NRXN1: variants seen among roughly 807,000 people sequenced by gnomAD.
The protein encoded by NRXN1 is neurexin-1.
A neutral mutation model predicts 150.9 loss-of-function variants in NRXN1; 39 were observed. That is an observed-to-expected ratio of 0.26 (90% confidence interval 0.20 to 0.34). NRXN1 has a LOEUF of 0.34. Ranked by LOEUF, NRXN1 falls within the 10% of genes least tolerant of loss-of-function variation. The pLI, the probability that NRXN1 is intolerant of heterozygous loss-of-function variation, is 1.00. For missense variants in NRXN1, 1,815 were observed against 1,949.9 expected, an observed-to-expected ratio of 0.93 and a Z score of 1.30; for synonymous variants, 924 against 757.0, an observed-to-expected ratio of 1.22 and a Z score of -3.62.
At chr2:50,548,588 T>C (rs1428133631) in intron 9 of NRXN1, among the ~76,000 whole-genome samples, 2 of 152,164 alleles carry the variant, frequency 1.3e-5, no homozygotes, top group Admixed American at 6.5e-5. Flanking sequence ...ACTACTTACA[T>C]GTTTTTAATC....
At chr2:50,199,056 C>T (rs977159263) in intron 18 of NRXN1, 1 of 152,110 alleles carries the variant, frequency 6.6e-6, no homozygotes, top group African/African-American at 2.4e-5. Flanking sequence ...AACAATCAGT[C>T]CTCTCTGTGC....
intron 17 of NRXN1, among the ~76,000 whole-genome samples, chr2:50,408,247 T>A (rs899712030): frequency 1.3e-5 from 2 of 152,156 alleles, no homozygotes; most frequent in Non-Finnish European, 2.9e-5. Flanking sequence ...TAGATTAACA[T>A]GAGAATTTCC....
chr2:50,467,113 G>A (rs1056770522), intron 16 of NRXN1, among the ~76,000 whole-genome samples: 1 of 151,734 alleles, frequency 6.6e-6, no homozygotes, highest in African/African-American at 2.4e-5. Flanking sequence ...GGAATTTTCT[G>A]AATAAAATTT....
chr2:50,610,164 G>A (rs575083285), intron 8 of NRXN1, among the ~76,000 whole-genome samples: 2 of 152,108 alleles, frequency 1.3e-5, no homozygotes, highest in African/African-American at 2.4e-5. Context: ...AAATTAAGAG[G>A]AACTCCAAAA....
In NRXN1 at chr2:50,620,098, T is replaced by A. The variant is rs371321580; in HGVS notation, c.1244A>T (p.Tyr415Phe). ...GGCTGTGCTGGGACTGCCTCCAACA[T>A]AGAAAAAGTCATCAGACCCCAGCAT... ...YTMLGSDDFFYVGGSPSTADL... is the reference protein window; with the variant it reads ...YTMLGSDDFFFVGGSPSTADL... The change falls in exon 8 of 23, where the codon TAT becomes TTT. Residue 415 changes from tyrosine (Y) to phenylalanine (F), a missense_variant. Coordinates refer to ENST00000401669, the MANE Select transcript of NRXN1 (RefSeq NM_001330078.2). 2.5e-6 allele frequency: 4 copies of A among 1,613,432 alleles called. No homozygotes were observed. Among genetic ancestry groups the A allele is most frequent in the Non-Finnish European group, 3.4e-6 (4 of 1,179,636 alleles).
At chr2:50,735,162 A>C (rs1698580565) in intron 5 of NRXN1, among the ~76,000 whole-genome samples, 1 of 152,170 alleles carries the variant, frequency 6.6e-6, no homozygotes, top group Non-Finnish European at 1.5e-5. Context: ...TGCCAATCTT[A>C]AGTAAAAATT....
At chr2:50,750,650 T>A (rs1574344344) in intron 5 of NRXN1, among the ~76,000 whole-genome samples, 1 of 151,808 alleles carries the variant, frequency 6.6e-6, no homozygotes, top group South Asian at 2.1e-4. Context: ...AGCGTTGGAG[T>A]TCCTGACTCC....
At chr2:50,035,264 T>C (rs17442274) in intron 21 of NRXN1, among the ~76,000 whole-genome samples, 46,252 of 152,028 alleles carry the variant, frequency 0.3, 8,029 homozygotes, top group Middle Eastern at 0.49. Flanking sequence ...ATCTAGGAGT[T>C]CCTACTACTT....
chr2:50,952,856 A>G (rs1245921278), intron 2 of NRXN1, among the ~76,000 whole-genome samples: 1 of 152,262 alleles, frequency 6.6e-6, no homozygotes, highest in South Asian at 2.1e-4. Flanking sequence ...ATACGTTGCC[A>G]TTTTAATTAA....
At chr2:50,464,272 A>G (rs2104635610) in intron 17 of NRXN1, among the ~76,000 whole-genome samples, 1 of 151,876 alleles carries the variant, frequency 6.6e-6, no homozygotes, top group African/African-American at 2.4e-5. Context: ...CTACAGTGGC[A>G]TGGTTGTTAA....
chr2:50,034,972 C>G (rs1227030736), intron 21 of NRXN1, among the ~76,000 whole-genome samples: 1 of 151,984 alleles, frequency 6.6e-6, no homozygotes, highest in African/African-American at 2.4e-5. Flanking sequence ...AATATAACAG[C>G]TTGGTTCTAT....
At chr2:49,933,161 A>C (rs1670428654) in intron 22 of NRXN1, among the ~76,000 whole-genome samples, 1 of 151,966 alleles carries the variant, frequency 6.6e-6, no homozygotes, top group Non-Finnish European at 1.5e-5. Context: ...GTCTCAGCTC[A>C]CTGCAAGCTC....
rs567937443 is a variant in NRXN1, at chr2:49,980,106, CAT to C, written c.4129-36317_4129-36316del. 2.0e-3 allele frequency among the ~76,000 whole-genome samples: 308 copies of C among 152,112 alleles called. 2 individuals are homozygous for C. The highest frequency in any genetic ancestry group is 7.2e-3 in the African/African-American group (300 of 41,514). ...ATTGGGACTCAGAGGGATTAAATAA[CAT>C]ATATATCCATGAAGCTAGCAACTGA... is the stretch of plus-strand genomic sequence containing the variant. On this transcript the variant is annotated intron_variant, in intron 21 of 22. Transcript: ENST00000401669.
chr2:50,571,493 CTTG>C (rs1048711324), intron 8 of NRXN1, among the ~76,000 whole-genome samples: 1 of 152,198 alleles, frequency 6.6e-6, no homozygotes, highest in East Asian at 1.9e-4. Flanking sequence ...TATCTCTGTC[CTTG>C]TTGTTTCTTG....
At chr2:50,415,281 C>G (rs187382988) in intron 17 of NRXN1, among the ~76,000 whole-genome samples, 2 of 152,290 alleles carry the variant, frequency 1.3e-5, no homozygotes. Flanking sequence ...GATTAATGCA[C>G]TTTCCCTTTC....
At chr2:50,776,662 AC>A (rs1703686920) in intron 5 of NRXN1, among the ~76,000 whole-genome samples, 1 of 150,578 alleles carries the variant, frequency 6.6e-6, no homozygotes, top group Non-Finnish European at 1.5e-5. Flanking sequence ...ACATACACAC[AC>A]ACACACACAC....
At chr2:50,043,927 C>T (rs1322739471) in intron 21 of NRXN1, among the ~76,000 whole-genome samples, 1 of 151,560 alleles carries the variant, frequency 6.6e-6, no homozygotes, top group African/African-American at 2.4e-5. Context: ...ATGTGTGAAT[C>T]TGTAGTGTCT....
chr2:50,621,293 A>T (rs576364975), intron 6 of NRXN1, 44 bp from the exon 7 acceptor site: 1 of 1,450,410 alleles, frequency 6.9e-7, no homozygotes, highest in East Asian at 2.4e-5. Flanking sequence ...AACTGTGAAC[A>T]GAATAACGAT....
intron 17 of NRXN1, among the ~76,000 whole-genome samples, chr2:50,362,595 G>T (rs1401808088): frequency 6.6e-6 from 1 of 152,072 alleles, no homozygotes; most frequent in African/African-American, 2.4e-5. Flanking sequence ...AATAAGAGAG[G>T]ACACAAACAA....
Sources: allele counts gnomAD v4.1 joint callset (sites outside exome capture counted in the v4.1 genomes callset), GRCh38; gene constraint gnomAD v4.1.1; transcripts MANE v1.5; gene names NCBI Gene and HGNC (gene_info 2026-07-23, HGNC 2026-07-21).